Variants in LPP observed in about 807,000 individuals in gnomAD.
LPP encodes LIM domain containing preferred translocation partner in lipoma, also known as lipoma-preferred partner.
LPP carries 38 observed loss-of-function variants against 60.4 expected under a neutral mutation model. The ratio of observed to expected loss-of-function variants is 0.63; its 90% CI spans 0.49 to 0.83. The LOEUF (loss-of-function observed/expected upper bound fraction) is 0.83. LPP is among the 40% of genes least tolerant of loss of function. LPP has a pLI of 0.00. For synonymous variants in LPP, 328 were observed against 290.8 expected (o/e 1.13, Z -1.30); for missense variants, 902 against 783.6 (o/e 1.15, Z -1.80).
chr3:188,729,051 A>C (rs919040842), intron 8 of LPP, among the ~76,000 whole-genome samples: 1 of 152,160 alleles, frequency 6.6e-6, no homozygotes, highest in Non-Finnish European at 1.5e-5. Flanking sequence ...AGCTCTAGGA[A>C]AAACCTCCCT....
rs1027270629 is a variant in LPP, at chr3:188,196,714, A to C, written c.-189-28691A>C. ...TCAGGGCAAATTAAGAATCCTTTGCATGAATTAAGGGACAGGAATGGAAAG... is the reference window on the plus strand; with the variant it reads ...TCAGGGCAAATTAAGAATCCTTTGCCTGAATTAAGGGACAGGAATGGAAAG... On this transcript the variant is annotated intron_variant, in intron 1 of 11. Transcript: ENST00000617246. Among the ~76,000 whole-genome samples, 3 of 152,214 alleles carry C rather than the reference A, an allele frequency of 2.0e-5. No homozygotes were observed. In the East Asian group the frequency reaches 5.8e-4, roughly 29 times the overall value.
At chr3:188,295,786 C>T (rs888580675) in intron 2 of LPP, among the ~76,000 whole-genome samples, 5 of 152,172 alleles carry the variant, frequency 3.3e-5, no homozygotes, top group African/African-American at 1.2e-4. Context: ...CTCAGCCTCC[C>T]AAAGCGCTTG....
chr3:188,401,007 A>T (rs6802708), intron 3 of LPP, among the ~76,000 whole-genome samples: 1 of 152,058 alleles, frequency 6.6e-6, no homozygotes. Context: ...GAAAGAAAGC[A>T]CTCTAAAATA....
intron 7 of LPP, among the ~76,000 whole-genome samples, chr3:188,669,611 T>C (rs1856553404): frequency 6.6e-6 from 1 of 151,920 alleles, no homozygotes; most frequent in Admixed American, 6.6e-5. Flanking sequence ...AAACAACAGG[T>C]GATGCAGGTG....
At chr3:188,527,690 G>T (rs1821023777) in intron 6 of LPP, among the ~76,000 whole-genome samples, 1 of 151,680 alleles carries the variant, frequency 6.6e-6, no homozygotes, top group South Asian at 2.1e-4. Context: ...AAGACAGGAA[G>T]GCCACTGACT....
At chr3:188,350,827 A>T (rs1166469538) in intron 3 of LPP, among the ~76,000 whole-genome samples, 2 of 152,176 alleles carry the variant, frequency 1.3e-5, no homozygotes, top group Non-Finnish European at 2.9e-5. Flanking sequence ...TAAGACATAA[A>T]ACGAATAAGA....
At chr3:188,458,054 C>A (rs1294911511) in intron 4 of LPP, among the ~76,000 whole-genome samples, 1 of 152,178 alleles carries the variant, frequency 6.6e-6, no homozygotes, top group African/African-American at 2.4e-5. Context: ...TTTCCTTAGG[C>A]AAACTCAAAT....
At position 188,858,092 on chromosome 3, in the gene LPP, A is replaced by G. The variant is rs1407033221; in HGVS notation, c.1411-8108A>G. Among the ~76,000 whole-genome samples, 3 of 152,220 alleles carry G rather than the reference A, an allele frequency of 2.0e-5. No individual in the cohort carries two copies. The East Asian group carries it at 5.8e-4, about 29-fold the overall frequency. On this transcript the variant is annotated intron_variant, in intron 9 of 11. Coordinates refer to ENST00000617246, the MANE Select transcript of LPP (RefSeq NM_001375462.1). Reference sequence around the variant, plus strand: ...AAATTGCCTAGCTTTTCGAACCCAGATCACCTTTTTCCTACTGTTTCACTA... The same window carrying G: ...AAATTGCCTAGCTTTTCGAACCCAGGTCACCTTTTTCCTACTGTTTCACTA...
chr3:188,775,067 T>G (rs1379917739), intron 9 of LPP, among the ~76,000 whole-genome samples: 1 of 151,664 alleles, frequency 6.6e-6, no homozygotes, highest in African/African-American at 2.4e-5. Flanking sequence ...TTTTTTTTTT[T>G]TTTTAGACAG....
At chr3:188,415,777 G>T (rs1199190834) in intron 4 of LPP, among the ~76,000 whole-genome samples, 2 of 22,352 alleles carry the variant, frequency 8.9e-5, no homozygotes, top group Non-Finnish European at 9.2e-3. Context: ...GGGTGGGTCG[G>T]GGGGGGGCAA....
At chr3:188,248,012 G>C (rs1401790152) in intron 2 of LPP, among the ~76,000 whole-genome samples, 2 of 152,056 alleles carry the variant, frequency 1.3e-5, no homozygotes, top group African/African-American at 2.4e-5. Context: ...TGAGACCCAA[G>C]CTCAGTTACA....
At chr3:188,649,862 A>G (rs1851758424) in intron 7 of LPP, among the ~76,000 whole-genome samples, 2 of 152,212 alleles carry the variant, frequency 1.3e-5, no homozygotes, top group Non-Finnish European at 2.9e-5. Flanking sequence ...ACAAGGAACC[A>G]AGGAAGCACA....
At chr3:188,175,363 C>T (rs936508343) in intron 1 of LPP, among the ~76,000 whole-genome samples, 13 of 152,294 alleles carry the variant, frequency 8.5e-5, no homozygotes, top group African/African-American at 3.1e-4. Flanking sequence ...GCTGGGATTA[C>T]AGGCGTGAGC....
chr3:188,592,557 G>GTTGTTGTTTGTTTTTTTTTTT (rs1553936334), intron 6 of LPP, among the ~76,000 whole-genome samples: 6 of 85,754 alleles, frequency 7.0e-5, no homozygotes, highest in Admixed American at 2.6e-4. Context: ...TTTTGTTTTT[G>GTTGTTGTTTGTTTTTTTTTTT]TTTTTTAAAT....
intron 9 of LPP, among the ~76,000 whole-genome samples, chr3:188,840,447 G>T (rs947068505): frequency 2.0e-4 from 31 of 152,146 alleles, no homozygotes; most frequent in Admixed American, 2.0e-3. Context: ...CATTTGTAGA[G>T]GGCTGGACTT....
intron 4 of LPP, among the ~76,000 whole-genome samples, chr3:188,407,889 C>T (rs938726629): frequency 2.1e-5 from 3 of 143,426 alleles, no homozygotes; most frequent in Non-Finnish European, 4.5e-5. Context: ...TTCCCGGGTT[C>T]AAGTGATTCT....
At chr3:188,230,547 G>A (rs1396084167) in intron 2 of LPP, among the ~76,000 whole-genome samples, 1 of 152,180 alleles carries the variant, frequency 6.6e-6, no homozygotes, top group East Asian at 1.9e-4. Flanking sequence ...ACTTTGGGAG[G>A]CTGAGGCAGG....
rs186329215 is a variant in LPP, at chr3:188,455,201, A to G, written c.194-29391A>G. Reference sequence around the variant, plus strand: ...TACAGAGAAAAAATTTTTAGCTGAGAGCCTGATGAAGTCTTAAGGCTATTA... The same window carrying G: ...TACAGAGAAAAAATTTTTAGCTGAGGGCCTGATGAAGTCTTAAGGCTATTA... On this transcript the variant is annotated intron_variant, in intron 4 of 11. Transcript: ENST00000617246. Among the ~76,000 whole-genome samples the G allele has an allele frequency of 2.1e-3, 314 of 152,230 alleles. 4 individuals are homozygous for G. Among genetic ancestry groups the G allele is most frequent in the Middle Eastern group, 0.014 (4 of 294 alleles).
chr3:188,766,022 C>A (rs1041638185), intron 9 of LPP, among the ~76,000 whole-genome samples: 1 of 151,808 alleles, frequency 6.6e-6, no homozygotes, highest in African/African-American at 2.4e-5. Context: ...AGGCGCCCAC[C>A]ACCACGCCCG....
Sources: gnomAD v4.1 joint callset for allele counts (sites outside exome capture counted in the v4.1 genomes callset) on GRCh38, gnomAD v4.1.1 for gene constraint, MANE v1.5 for transcripts, NCBI Gene and HGNC (gene_info 2026-07-23, HGNC 2026-07-21) for gene names.